The following EBF3 variants were observed in gnomAD, a reference collection of about 807,000 sequenced individuals.
EBF3 encodes the protein transcription factor COE3.
A neutral mutation model predicts 77.1 loss-of-function variants in EBF3; 18 were observed. The ratio of observed to expected loss-of-function variants is 0.23; its 90% CI spans 0.16 to 0.35. The LOEUF (loss-of-function observed/expected upper bound fraction) is 0.35, where lower values mean the gene tolerates loss of function less well. Among genes scored for constraint, EBF3 ranks in the 10% least tolerant of loss-of-function variants. The pLI is 1.00. For synonymous variants in EBF3, 350 were observed against 343.5 expected, an observed-to-expected ratio of 1.02 and a Z score of -0.21; for missense variants, 558 against 860.0, an observed-to-expected ratio of 0.65 and a Z score of 4.39.
At chr10:129,920,353 C>T (rs1189612977) in intron 6 of EBF3, among the ~76,000 whole-genome samples, 2 of 151,946 alleles carry the variant, frequency 1.3e-5, no homozygotes, top group African/African-American at 4.8e-5. Context: ...AAACCCGCCC[C>T]GCTGTGCGGT....
At chr10:129,953,528 C>T (rs1858823868) in intron 6 of EBF3, among the ~76,000 whole-genome samples, 1 of 152,188 alleles carries the variant, frequency 6.6e-6, no homozygotes. Flanking sequence ...ACTCTATAGA[C>T]TAATGCCAGA....
intron 6 of EBF3, among the ~76,000 whole-genome samples, chr10:129,942,424 C>A (rs1488375943): frequency 6.6e-6 from 1 of 152,182 alleles, no homozygotes; most frequent in Admixed American, 6.5e-5. Flanking sequence ...AAATGCCAAA[C>A]AAAACAAAAG....
At position 129,885,951 on chromosome 10, in the gene EBF3, T is replaced by G. The variant is rs74162521; in HGVS notation, c.555-8102A>C. Among the ~76,000 whole-genome samples, 323 of 152,244 alleles carry G rather than the reference T, an allele frequency of 2.1e-3. 1 individual carries two copies. Among genetic ancestry groups the G allele is most frequent in the African/African-American group, 7.1e-3 (297 of 41,558 alleles). ...GGGATCTGAAGATCACGGGAATGCT[T>G]CTTTCGCCATCCTGATTCCTGATGG... On this transcript the variant is annotated intron_variant, in intron 6 of 16. Coordinates refer to ENST00000440978, the MANE Select transcript of EBF3 (RefSeq NM_001375380.1). The surrounding 1 kb of genome is among the most constrained non-coding windows in gnomAD (Gnocchi z 4.0).
In EBF3 at chr10:129,917,650, T is replaced by TAAAAA. The variant is rs1258587841; in HGVS notation, c.554+39607_554+39608insTTTTT. ...TTGGGCACCACAGCAAGACCCTGCC[T>TAAAAA]CAAAAAAAAAAAAAAAAAAAAAAAA... On this transcript the variant is annotated intron_variant, in intron 6 of 16. Transcript: ENST00000440978. Among the ~76,000 whole-genome samples, 9 of 2,472 alleles carry TAAAAA rather than the reference T, an allele frequency of 3.6e-3. 1 individual carries two copies. In the Admixed American group the frequency reaches 0.063, roughly 17 times the overall value. The allele number at this position is 2,472 out of a possible 152,430, so 1.6% of individuals were successfully genotyped here. A position where few individuals can be genotyped will look rare whatever the true frequency, so the allele number is the denominator to read the frequency against.
Position 129,837,160 on chromosome 10 carries a change from A to G in EBF3, c.*783T>C, listed in dbSNP as rs1011323702. ...GAATGCAATAGTATACAGTGCTAGCAAAAGTTGAAAAAATGTTGCAGATCA... is the reference window on the plus strand; with the variant it reads ...GAATGCAATAGTATACAGTGCTAGCGAAAGTTGAAAAAATGTTGCAGATCA... On this transcript the variant is annotated 3_prime_UTR_variant, in exon 17 of 17. Coordinates refer to ENST00000440978, the MANE Select transcript of EBF3 (RefSeq NM_001375380.1). The G allele has an allele frequency of 1.3e-5, 2 of 152,688 alleles. No individual in the cohort carries two copies. The highest frequency in any genetic ancestry group is 2.4e-5 in the African/African-American group (1 of 41,472). 9.5% of individuals were successfully genotyped at this position (152,688 alleles called of 1,614,324 possible).
rs888710721 is a variant in EBF3 at position 129,865,534 on chromosome 10, G to T, written c.1039+1607C>A. On this transcript the variant is annotated intron_variant, in intron 10 of 16. Transcript: ENST00000440978. ...GTGTGTGCTGGTCCCACAGAAGGTG[G>T]CCCCTAGTGTGGGGCAGGCACTGCC... 2.0e-5 allele frequency among the ~76,000 whole-genome samples: 3 copies of T among 152,140 alleles called. No homozygotes were observed. The East Asian group carries it at 5.8e-4, about 29-fold the overall frequency.
intron 11 of EBF3, among the ~76,000 whole-genome samples, chr10:129,847,204 T>G (rs1336328046): frequency 6.6e-6 from 1 of 151,664 alleles, no homozygotes; most frequent in Non-Finnish European, 1.5e-5. Context: ...CCACCCAGCC[T>G]CAAACCCAGT....
chr10:129,870,453 A>G lies in EBF3; in HGVS notation c.782-2541T>C, dbSNP rs1012544635. Among the ~76,000 whole-genome samples, 1 of 151,972 alleles carries G rather than the reference A, an allele frequency of 6.6e-6. No homozygotes were observed. Among genetic ancestry groups the G allele is most frequent in the East Asian group, 1.9e-4 (1 of 5,130 alleles). On this transcript the variant is annotated intron_variant, in intron 8 of 16. Transcript: ENST00000440978. This position sits in a 1 kb window ranked among gnomAD's most constrained non-coding sequence, Gnocchi z 4.4. ...GGCCCTGTGATGGGAGGCATCCCTG[A>G]AGACAGATCCTGGTCTGCAGCTTTC...
At chr10:129,915,258 A>C (rs1300186038) in intron 6 of EBF3, among the ~76,000 whole-genome samples, 1 of 152,142 alleles carries the variant, frequency 6.6e-6, no homozygotes, top group East Asian at 1.9e-4. Context: ...TTTCAATACA[A>C]GGGCCCAAGA....
At chr10:129,950,006 TGGAGGGAGGAGGGA>T (rs1038964722) in intron 6 of EBF3, among the ~76,000 whole-genome samples, 8 of 23,660 alleles carry the variant, frequency 3.4e-4, no homozygotes, top group Admixed American at 1.4e-3. Context: ...GGGTGGAGGG[TGGAGGGAGGAGGGA>T]GGAGGGAGGA....
chr10:129,886,520 G>A (rs189607310), intron 6 of EBF3, among the ~76,000 whole-genome samples: 15 of 152,284 alleles, frequency 9.9e-5, no homozygotes, highest in Admixed American at 3.9e-4. Flanking sequence ...AATTAATCCC[G>A]TTCTGTGGCT....
At chr10:129,878,418 C>G (rs557647258) in intron 6 of EBF3, among the ~76,000 whole-genome samples, 2 of 152,168 alleles carry the variant, frequency 1.3e-5, no homozygotes, top group African/African-American at 4.8e-5. Flanking sequence ...CCTGTAATCC[C>G]AGCACTTTGG....
chr10:129,951,293 C>T (rs1162771891), intron 6 of EBF3, among the ~76,000 whole-genome samples: 1 of 152,248 alleles, frequency 6.6e-6, no homozygotes, highest in Non-Finnish European at 1.5e-5. Flanking sequence ...TCACCCATGC[C>T]ATCCTAACAC....
intron 11 of EBF3, among the ~76,000 whole-genome samples, chr10:129,845,074 C>T (rs1253422670): frequency 3.9e-5 from 6 of 152,150 alleles, no homozygotes; most frequent in Non-Finnish European, 7.3e-5. Flanking sequence ...AGGAAAATTA[C>T]GTATGCTCTT....
At chr10:129,887,260 C>A (rs117693921) in intron 6 of EBF3, among the ~76,000 whole-genome samples, 1,581 of 152,300 alleles carry the variant, frequency 0.01, 16 homozygotes, top group Middle Eastern at 0.034. Context: ...CTTGATCCAG[C>A]CTGATCTCCA....
At chr10:129,860,022 G>A (rs758166919) in intron 10 of EBF3, among the ~76,000 whole-genome samples, 1 of 152,190 alleles carries the variant, frequency 6.6e-6, no homozygotes, top group Non-Finnish European at 1.5e-5. Flanking sequence ...AGTTTAACCT[G>A]TGGGAGTTGT....
At chr10:129,902,709 G>T (rs551845044) in intron 6 of EBF3, among the ~76,000 whole-genome samples, 1 of 152,166 alleles carries the variant, frequency 6.6e-6, no homozygotes, top group Admixed American at 6.5e-5. Flanking sequence ...CTCTTTATGA[G>T]CGTGTAACTA....
At chr10:129,931,186 A>T (rs1359494314) in intron 6 of EBF3, among the ~76,000 whole-genome samples, 1 of 152,190 alleles carries the variant, frequency 6.6e-6, no homozygotes, top group Non-Finnish European at 1.5e-5. Flanking sequence ...GAAAACTCTG[A>T]CTAATACCTA....
At position 129,880,282 on chromosome 10, in the gene EBF3, GCA is replaced by G. The variant is rs542576992; in HGVS notation, c.555-2435_555-2434del. On this transcript the variant is annotated intron_variant, in intron 6 of 16. Transcript: ENST00000440978. Reference sequence around the variant, plus strand: ...CAAGCAGGTGCAGATACACACCTATGCACACATACACACATGCCACCCACACA... The same window carrying G: ...CAAGCAGGTGCAGATACACACCTATGCACATACACACATGCCACCCACACA... Among the ~76,000 whole-genome samples the G allele has an allele frequency of 4.3e-3, 659 of 152,116 alleles. 5 individuals carry two copies. The highest frequency in any genetic ancestry group is 0.015 in the African/African-American group (642 of 41,488).
Sources: gnomAD v4.1 joint callset for allele counts (sites outside exome capture counted in the v4.1 genomes callset) on GRCh38, gnomAD v4.1.1 for gene constraint, Gnocchi (gnomAD v3.1) non-coding constraint, MANE v1.5 for transcripts, NCBI Gene and HGNC (gene_info 2026-07-23, HGNC 2026-07-21) for gene names.